DTL: variants seen among roughly 807,000 people sequenced by gnomAD.
The protein encoded by DTL is denticleless protein homolog.
Under a neutral mutation model 87.0 loss-of-function variants are expected in DTL, and 46 were observed. The observed-to-expected ratio is 0.53, with a 90% CI of 0.42 to 0.68. The LOEUF is 0.68. DTL is among the 30% of genes least tolerant of loss of function. The probability of loss-of-function intolerance (pLI) is 0.00; values close to 1 mark genes in which losing one functional copy is unlikely to be tolerated. For synonymous variants in DTL, 308 were observed against 311.2 expected, an observed-to-expected ratio of 0.99 and a Z score of 0.11; for missense variants, 737 against 869.4, an observed-to-expected ratio of 0.85 and a Z score of 1.91.
intron 10 of DTL, among the ~76,000 whole-genome samples, chr1:212,069,683 T>G (rs766416208): frequency 1.8e-4 from 28 of 151,994 alleles, no homozygotes; most frequent in Non-Finnish European, 3.5e-4. Context: ...GTAGCTGGGA[T>G]TACAGGCGCC....
chr1:212,073,987 A>T (rs1654756498), intron 11 of DTL, among the ~76,000 whole-genome samples: 1 of 152,084 alleles, frequency 6.6e-6, no homozygotes, highest in East Asian at 1.9e-4. Flanking sequence ...TTTGGCTCCC[A>T]ACTTAACTAG....
intron 6 of DTL, among the ~76,000 whole-genome samples, chr1:212,063,253 CTT>C (rs1654389130): frequency 6.6e-6 from 1 of 150,500 alleles, no homozygotes; most frequent in Non-Finnish European, 1.5e-5. Flanking sequence ...TGGTAAATGT[CTT>C]TATTTTGGTT....
intron 13 of DTL, among the ~76,000 whole-genome samples, chr1:212,095,015 A>G (rs954947315): frequency 1.3e-5 from 2 of 152,160 alleles, no homozygotes; most frequent in African/African-American, 4.8e-5. Context: ...TTTTCTAGGT[A>G]TACAATCATA....
In DTL at chr1:212,066,802, G is replaced by A. The variant is rs1339891314; in HGVS notation, c.640-10G>A. 2.5e-6 allele frequency: 4 copies of A among 1,611,910 alleles called. No homozygotes were observed. Among genetic ancestry groups the A allele is most frequent in the Non-Finnish European group, 3.4e-6 (4 of 1,178,430 alleles). ...CAAGATAGAATCTTCTTCTTTTCTTGTGCTATCAGGATTTCCAGCAAAGTG... is the reference window on the plus strand; with the variant it reads ...CAAGATAGAATCTTCTTCTTTTCTTATGCTATCAGGATTTCCAGCAAAGTG... On this transcript the variant is annotated splice_polypyrimidine_tract_variant and intron_variant, in intron 7 of 14. Transcript: ENST00000366991.
At chr1:212,037,972 T>C (rs1667536598) in intron 1 of DTL, among the ~76,000 whole-genome samples, 2 of 152,232 alleles carry the variant, frequency 1.3e-5, no homozygotes, top group Admixed American at 1.3e-4. Flanking sequence ...CTGACACACT[T>C]ATTCCAGCTC....
intron 3 of DTL, among the ~76,000 whole-genome samples, chr1:212,046,561 A>G (rs1667813211): frequency 6.6e-6 from 1 of 151,998 alleles, no homozygotes; most frequent in Non-Finnish European, 1.5e-5. Flanking sequence ...CTGTTTGTGC[A>G]TTAGTTTGCT....
rs573757584 is a variant in DTL at position 212,093,643 on chromosome 1, G to T, written c.1262-6609G>T. Among the ~76,000 whole-genome samples the T allele has an allele frequency of 3.3e-5, 5 of 152,326 alleles. No homozygotes were observed. The East Asian group carries it at 7.7e-4, about 24-fold the overall frequency. ...CCGGCCTGCCTATGCCTGTCAGTGT[G>T]CTCTTCTGCCAGCGTGCTTCTCAAC... On this transcript the variant is annotated intron_variant, in intron 13 of 14. Coordinates refer to ENST00000366991, the MANE Select transcript of DTL (RefSeq NM_016448.4).
Position 212,047,336 on chromosome 1 carries a change from G to T in DTL, c.379G>T (p.Val127Leu). 6.2e-7 allele frequency: 1 copy of T among 1,614,202 alleles called. No homozygotes were observed. Among genetic ancestry groups the T allele is most frequent in the Non-Finnish European group, 8.5e-7 (1 of 1,180,020 alleles). The change falls in exon 5 of 15, where the codon GTA (valine) becomes TTA (leucine). Residue 127 changes from valine (V) to leucine (L), a missense_variant. Transcript: ENST00000366991. ...TGATCAAACAGCCAAATTTTGGGAC[G>T]TAAAAGCTGGTGAGCTGATTGGAAC... Reference protein sequence around the residue: ...AGDQTAKFWDVKAGELIGTCK... With the variant: ...AGDQTAKFWDLKAGELIGTCK...
intron 6 of DTL, among the ~76,000 whole-genome samples, chr1:212,064,180 T>C (rs1421942493): frequency 6.6e-6 from 1 of 152,100 alleles, no homozygotes; most frequent in East Asian, 1.9e-4. Context: ...AAATAAATAA[T>C]AAAATTATTT....
At chr1:212,083,059 C>T (rs1655032362) in intron 13 of DTL, among the ~76,000 whole-genome samples, 1 of 152,114 alleles carries the variant, frequency 6.6e-6, no homozygotes, top group South Asian at 2.1e-4. Context: ...CATATTAGTC[C>T]ATTTTCACAC....
At chr1:212,039,329 A>G (rs868669132) in intron 1 of DTL, among the ~76,000 whole-genome samples, 1 of 152,202 alleles carries the variant, frequency 6.6e-6, no homozygotes, top group African/African-American at 2.4e-5. Context: ...TGAAGGAATT[A>G]TTTAATTATC....
At chr1:212,051,665 C>G in intron 5 of DTL, 4 of 959,868 alleles carry the variant, frequency 4.2e-6, no homozygotes, top group Non-Finnish European at 6.5e-6. Flanking sequence ...CTTTCTTTTT[C>G]TGATCATTTT....
intron 13 of DTL, among the ~76,000 whole-genome samples, chr1:212,088,955 A>C (rs1041481328): frequency 1.3e-5 from 2 of 152,112 alleles, no homozygotes; most frequent in African/African-American, 4.8e-5. Context: ...GCATGGTGGC[A>C]CACGCCTGTA....
intron 5 of DTL, among the ~76,000 whole-genome samples, chr1:212,058,923 G>A (rs569196125): frequency 1.6e-4 from 25 of 152,084 alleles, no homozygotes; most frequent in African/African-American, 6.0e-4. Flanking sequence ...ACACTAACTA[G>A]AAAACCTAGA....
chr1:212,047,503 C>A, intron 5 of DTL, 86 bp downstream of exon 5: 1 of 1,535,044 alleles, frequency 6.5e-7, no homozygotes, highest in Non-Finnish European at 8.9e-7. Context: ...ACCCTTTCCC[C>A]TGTCAAAGTT....
At chr1:212,055,880 C>T (rs12744135) in intron 5 of DTL, among the ~76,000 whole-genome samples, 10,589 of 152,244 alleles carry the variant, frequency 0.07, 469 homozygotes, top group Admixed American at 0.14. Flanking sequence ...TTGCCCAGTT[C>T]AGTTCATCAC....
At chr1:212,052,531 G>A (rs191775871) in intron 5 of DTL, among the ~76,000 whole-genome samples, 410 of 151,692 alleles carry the variant, frequency 2.7e-3, no homozygotes, top group African/African-American at 9.6e-3. Flanking sequence ...CAGCTACTCA[G>A]GAGGTTGAGG....
intron 13 of DTL, among the ~76,000 whole-genome samples, 162 bp from the exon 14 acceptor site, chr1:212,100,090 G>A (rs1655569984): frequency 6.6e-6 from 1 of 152,086 alleles, no homozygotes; most frequent in African/African-American, 2.4e-5. Flanking sequence ...AAAAGAGAAA[G>A]GAAAATGATA....
intron 10 of DTL, among the ~76,000 whole-genome samples, chr1:212,069,276 C>T (rs1372372375): frequency 2.6e-5 from 4 of 151,576 alleles, no homozygotes; most frequent in Admixed American, 2.0e-4. Flanking sequence ...TTTTTTTAAT[C>T]CTCTCCCCTC....
Sources: gnomAD v4.1 joint callset for allele counts (sites outside exome capture counted in the v4.1 genomes callset) on GRCh38, gnomAD v4.1.1 for gene constraint, MANE v1.5 for transcripts, NCBI Gene and HGNC (gene_info 2026-07-23, HGNC 2026-07-21) for gene names.